Variants in TRPM3 observed in about 807,000 individuals in gnomAD.
TRPM3 encodes the protein transient receptor potential cation channel subfamily M member 3.
In TRPM3, 77 loss-of-function variants were observed where a neutral mutation model predicts 181.2. The ratio of observed to expected loss-of-function variants is 0.42; its 90% CI spans 0.35 to 0.51. The LOEUF (loss-of-function observed/expected upper bound fraction) is 0.51, where lower values mean the gene tolerates loss of function less well. TRPM3 is among the 20% of genes least tolerant of loss of function. The probability of loss-of-function intolerance (pLI) is 0.01; values close to 1 mark genes in which losing one functional copy is unlikely to be tolerated. For synonymous variants in TRPM3, 745 were observed against 796.4 expected (o/e 0.94, Z 1.09); for missense variants, 1,759 against 2,196.7 (o/e 0.80, Z 3.98).
chr9:70,981,434 AGGT>A (rs2097362584), intron 1 of TRPM3, among the ~76,000 whole-genome samples: 1 of 152,172 alleles, frequency 6.6e-6, no homozygotes, highest in Non-Finnish European at 1.5e-5. Context: ...CATCTTGAAA[AGGT>A]GGGAGTGTCA....
At position 71,012,526 on chromosome 9, in the gene TRPM3, C is replaced by T. The variant is rs116942764; in HGVS notation, c.177+108652G>A. 5.2e-3 allele frequency among the ~76,000 whole-genome samples: 794 copies of T among 151,492 alleles called. 18 individuals are homozygous for T. In the East Asian group the frequency reaches 0.078, roughly 15 times the overall value. On this transcript the variant is annotated intron_variant, in intron 1 of 25. Transcript: ENST00000677713. ...GTGAACTTTACAGCCAACTTGTTTA[C>T]GTCCAGGAAGAATAAAATTTAATGT...
intron 21 of TRPM3, among the ~76,000 whole-genome samples, chr9:70,593,628 C>T (rs915161572): frequency 9.2e-5 from 14 of 152,072 alleles, no homozygotes; most frequent in African/African-American, 2.4e-5. Context: ...TTTTCCCAAA[C>T]ACTTAGCTTC....
chr9:71,090,275 A>G (rs2065983402), intron 1 of TRPM3, among the ~76,000 whole-genome samples: 1 of 152,206 alleles, frequency 6.6e-6, no homozygotes, highest in Non-Finnish European at 1.5e-5. Flanking sequence ...GAGAAGCATT[A>G]TGGACAGAAG....
At chr9:70,921,807 C>T (rs776867328) in intron 1 of TRPM3, among the ~76,000 whole-genome samples, 3 of 152,050 alleles carry the variant, frequency 2.0e-5, no homozygotes, top group Admixed American at 6.6e-5. Flanking sequence ...GAACAGAGAG[C>T]GGCCTCTTCC....
At chr9:70,589,720 A>C (rs2057783010) in intron 22 of TRPM3, among the ~76,000 whole-genome samples, 1 of 152,204 alleles carries the variant, frequency 6.6e-6, no homozygotes, top group Non-Finnish European at 1.5e-5. Flanking sequence ...CTCATGAAAC[A>C]AGTATTTGTT....
chr9:70,642,236 T>C (rs1409498187), intron 9 of TRPM3, among the ~76,000 whole-genome samples: 1 of 152,150 alleles, frequency 6.6e-6, no homozygotes, highest in South Asian at 2.1e-4. Flanking sequence ...TCCTGTCTCA[T>C]TGAAACATAT....
At chr9:70,759,143 C>A (rs1415516470) in intron 8 of TRPM3, among the ~76,000 whole-genome samples, 3 of 152,034 alleles carry the variant, frequency 2.0e-5, no homozygotes, top group Admixed American at 6.6e-5. Flanking sequence ...AAGAAAAAAA[C>A]AAACAACCCC....
intron 1 of TRPM3, among the ~76,000 whole-genome samples, chr9:71,204,470 C>T (rs2079003095): frequency 6.6e-6 from 1 of 152,140 alleles, no homozygotes; most frequent in Non-Finnish European, 1.5e-5. Context: ...AATTGCTCAC[C>T]ATCACTGGCC....
chr9:71,201,874 A>G (rs1565335977), intron 1 of TRPM3, among the ~76,000 whole-genome samples: 1 of 152,168 alleles, frequency 6.6e-6, no homozygotes, highest in Non-Finnish European at 1.5e-5. Context: ...GCTGGTGAGG[A>G]ACTGCGTTCC....
chr9:70,585,173 G>T (rs1333776428), intron 22 of TRPM3, among the ~76,000 whole-genome samples: 1 of 152,172 alleles, frequency 6.6e-6, no homozygotes, highest in East Asian at 1.9e-4. Context: ...ACTGCAATTG[G>T]TTTTTGCGCT....
intron 19 of TRPM3, among the ~76,000 whole-genome samples, chr9:70,610,211 C>T (rs1372273073): frequency 6.6e-6 from 1 of 152,188 alleles, no homozygotes; most frequent in Non-Finnish European, 1.5e-5. Flanking sequence ...TCCACACTCT[C>T]CTCACTCCTT....
chr9:70,671,929 A>ATT (rs756835607), intron 9 of TRPM3, among the ~76,000 whole-genome samples: 1 of 98,544 alleles, frequency 1.0e-5, no homozygotes, highest in Non-Finnish European at 2.0e-5. Flanking sequence ...ATGTCCAGCT[A>ATT]ATTTTTTTTT....
intron 1 of TRPM3, among the ~76,000 whole-genome samples, chr9:71,032,431 C>G (rs1008788213): frequency 6.6e-5 from 10 of 151,586 alleles, no homozygotes; most frequent in African/African-American, 2.2e-4. Context: ...TTTTCTACCA[C>G]TACACTGAGC....
At chr9:70,761,820 T>C (rs937763778) in intron 7 of TRPM3, 96 bp from the exon 8 acceptor site, 1 of 1,405,252 alleles carries the variant, frequency 7.1e-7, no homozygotes, top group African/African-American at 1.4e-5. Context: ...AATGAGGGTT[T>C]ACTTTAGATA....
intron 22 of TRPM3, among the ~76,000 whole-genome samples, chr9:70,581,955 C>CCTTTT (rs1564423884): frequency 9.2e-5 from 4 of 43,258 alleles, no homozygotes; most frequent in Non-Finnish European, 2.0e-4. Flanking sequence ...TTGTCTTCTC[C>CCTTTT]TTCCTTTCTT....
intron 1 of TRPM3, among the ~76,000 whole-genome samples, chr9:71,087,437 G>C (rs1199720778): frequency 6.6e-6 from 1 of 151,960 alleles, no homozygotes; most frequent in Admixed American, 6.6e-5. Context: ...TTATGACATT[G>C]AGCAAGCATA....
intron 1 of TRPM3, among the ~76,000 whole-genome samples, chr9:71,430,810 T>TAA (rs201095675): frequency 1.3e-5 from 2 of 149,946 alleles, no homozygotes; most frequent in African/African-American, 2.4e-5. Flanking sequence ...GACTCCATTT[T>TAA]AAAAAAAAAA....
intron 24 of TRPM3, among the ~76,000 whole-genome samples, chr9:70,551,819 C>A (rs2046528003): frequency 6.6e-6 from 1 of 152,158 alleles, no homozygotes; most frequent in Non-Finnish European, 1.5e-5. Flanking sequence ...AGGTCATCCA[C>A]CCCGACCCCT....
At chr9:70,740,949 A>G (rs1181165349) in intron 8 of TRPM3, among the ~76,000 whole-genome samples, 1 of 152,234 alleles carries the variant, frequency 6.6e-6, no homozygotes, top group Non-Finnish European at 1.5e-5. Flanking sequence ...CAACAAAAAC[A>G]AAGATGAATA....
Sources: gnomAD v4.1 joint callset for allele counts (sites outside exome capture counted in the v4.1 genomes callset) on GRCh38, gnomAD v4.1.1 for gene constraint, MANE v1.5 for transcripts, NCBI Gene and HGNC (gene_info 2026-07-23, HGNC 2026-07-21) for gene names.